PHKA1: variants seen among roughly 807,000 people sequenced by gnomAD.
PHKA1 encodes phosphorylase b kinase regulatory subunit alpha, skeletal muscle isoform.
PHKA1 carries 60 observed loss-of-function variants against 110.2 expected under a neutral mutation model. The observed-to-expected ratio is 0.54, with a 90% confidence interval of 0.44 to 0.68. The LOEUF (loss-of-function observed/expected upper bound fraction) is 0.68, where lower values mean the gene tolerates loss of function less well. Ranked by LOEUF, PHKA1 falls within the 30% of genes least tolerant of loss-of-function variation. The pLI is 0.00. For missense variants in PHKA1, 801 were observed against 942.5 expected (o/e 0.85, Z 1.97); for synonymous variants, 316 against 333.6 (o/e 0.95, Z 0.58).
intron 17 of PHKA1, among the ~76,000 whole-genome samples, chrX:72,625,933 G>A (rs969336870): frequency 3.2e-4 from 36 of 111,391 alleles, no homozygotes; most frequent in African/African-American, 1.1e-3. Context: ...CCCAAACTAA[G>A]TGTGATGATT....
chrX:72,675,059 A>T (rs900035927), intron 6 of PHKA1, among the ~76,000 whole-genome samples: 24 of 108,519 alleles, frequency 2.2e-4, no homozygotes, highest in Middle Eastern at 9.4e-3. Context: ...ATGGTGGCAG[A>T]TGCCTGTAGT....
intron 13 of PHKA1, among the ~76,000 whole-genome samples, chrX:72,645,197 T>C (rs1331984179): frequency 2.7e-5 from 3 of 111,790 alleles, no homozygotes; most frequent in Admixed American, 9.5e-5. Context: ...ACTTTCGCTA[T>C]ATGGAACAGA....
rs140840841 is a variant in PHKA1, at chrX:72,680,162, A to G, written c.538-4012T>C. ...CCCAAGTACCTGGGATTACAGGCAC[A>G]CGCCACCACGCCCAGCTAATTTTGT... On this transcript the variant is annotated intron_variant, in intron 5 of 31. Transcript: ENST00000373542. 3.7e-3 allele frequency among the ~76,000 whole-genome samples: 408 copies of G among 110,878 alleles called. 1 individual carries two copies. Among genetic ancestry groups the G allele is most frequent in the African/African-American group, 0.013 (396 of 30,413 alleles).
chrX:72,631,921 T>C (rs1166038369), intron 16 of PHKA1, among the ~76,000 whole-genome samples: 1 of 112,227 alleles, frequency 8.9e-6, no homozygotes, highest in Non-Finnish European at 1.9e-5. Context: ...CCAAATCTCA[T>C]AAATTATAAG....
intron 16 of PHKA1, among the ~76,000 whole-genome samples, chrX:72,631,335 G>A (rs782730619): frequency 2.7e-5 from 3 of 111,310 alleles, no homozygotes; most frequent in African/African-American, 9.8e-5. Flanking sequence ...GGCTGAAGGG[G>A]GAGGAGCTCC....
intron 3 of PHKA1, among the ~76,000 whole-genome samples, chrX:72,696,921 T>C (rs1329395735): frequency 9.0e-6 from 1 of 111,369 alleles, no homozygotes; most frequent in East Asian, 2.8e-4. Flanking sequence ...ACAGGACAAT[T>C]TGCTGAGGCC....
chrX:72,711,493 C>G (rs1556334721), intron 2 of PHKA1, among the ~76,000 whole-genome samples: 1 of 111,081 alleles, frequency 9.0e-6, no homozygotes, highest in Non-Finnish European at 1.9e-5. Context: ...GCCTGTAATC[C>G]TAGCGCTTTG....
chrX:72,679,710 C>A (rs1473772377), intron 5 of PHKA1, among the ~76,000 whole-genome samples: 1 of 110,150 alleles, frequency 9.1e-6, no homozygotes, highest in East Asian at 2.8e-4. Context: ...TTAGTGAAGT[C>A]GAAGGCATAG....
At chrX:72,599,032 A>G (rs1303883060) in intron 28 of PHKA1, among the ~76,000 whole-genome samples, 1 of 111,000 alleles carries the variant, frequency 9.0e-6, no homozygotes, top group Non-Finnish European at 1.9e-5. Flanking sequence ...CAGAAAGGGT[A>G]TAGATCTGAT....
chrX:72,675,465 TA>T (rs1365484276), intron 6 of PHKA1, among the ~76,000 whole-genome samples: 4 of 111,443 alleles, frequency 3.6e-5, no homozygotes, highest in Admixed American at 1.9e-4. Flanking sequence ...GATTTCCTTT[TA>T]TTTTTTAAAA....
At chrX:72,704,482 G>A (rs1468657737) in intron 3 of PHKA1, among the ~76,000 whole-genome samples, 1 of 111,602 alleles carries the variant, frequency 9.0e-6, no homozygotes, top group Non-Finnish European at 1.9e-5. Context: ...GTTGGCAGGA[G>A]TATGCACTGT....
rs1556200890 is a variant in PHKA1 at position 72,581,113 on chromosome X, A to T, written c.3561T>A (p.Leu1187=). ...AKDPASGICT[L]LYDSAPSGRF... Reference sequence around the variant, plus strand: ...TGCCACTGGGTGCACTGTCATACAGAAGAGTACAGATGCCAGATGCGGGAT... The same window carrying T: ...TGCCACTGGGTGCACTGTCATACAGTAGAGTACAGATGCCAGATGCGGGAT... The change falls in exon 32 of 32, where the codon CTT becomes CTA. Residue 1187 remains leucine (L), a synonymous_variant. Transcript: ENST00000373542. The T allele has an allele frequency of 8.4e-7, 1 of 1,193,873 alleles. No homozygotes were observed. Among genetic ancestry groups the T allele is most frequent in the Non-Finnish European group, 1.1e-6 (1 of 879,141 alleles).
chrX:72,636,791 C>T (rs782490314), intron 14 of PHKA1, among the ~76,000 whole-genome samples: 2 of 112,331 alleles, frequency 1.8e-5, no homozygotes, highest in African/African-American at 3.2e-5. Context: ...ACTGACAGGA[C>T]TACTACTTTT....
chrX:72,694,600 T>C (rs1002124784), intron 4 of PHKA1, among the ~76,000 whole-genome samples: 4 of 112,315 alleles, frequency 3.6e-5, no homozygotes, highest in Admixed American at 2.8e-4. Flanking sequence ...TTTCTACTTA[T>C]TCCTCAAAGG....
At chrX:72,702,861 A>C (rs1430191687) in intron 3 of PHKA1, among the ~76,000 whole-genome samples, 1 of 111,817 alleles carries the variant, frequency 8.9e-6, no homozygotes, top group Non-Finnish European at 1.9e-5. Flanking sequence ...CCCTCTGATC[A>C]CAGAGATAGA....
chrX:72,627,149 T>C (rs1725910403), intron 16 of PHKA1, 100 bp from the exon 17 acceptor site: 1 of 646,662 alleles, frequency 1.5e-6, no homozygotes, highest in Non-Finnish European at 2.5e-6. Flanking sequence ...GTGGTTACAA[T>C]ACAAATGAGA....
intron 3 of PHKA1, among the ~76,000 whole-genome samples, chrX:72,698,375 T>C: frequency 8.9e-6 from 1 of 112,616 alleles, no homozygotes; most frequent in Middle Eastern, 4.7e-3. Context: ...CTTTTTGAAG[T>C]TTATGTAACT....
Position 72,602,259 on chromosome X carries a change from A to G in PHKA1, c.2932T>C (p.Ser978Pro). ...ATAGAAATAGCAGGACTGACATTTG[A>G]ATCAGTGGGACGAACTATGTAGTAT... is the stretch of plus-strand genomic sequence containing the variant. ...GVERSVRPTDSNVSPAISIHE... is the reference protein window; with the variant it reads ...GVERSVRPTDPNVSPAISIHE... The change falls in exon 27 of 32, where the codon TCA (serine) becomes CCA (proline). Residue 978 changes from serine (S) to proline (P), a missense_variant. Physicochemically the swap from Ser to Pro is moderately conservative, Grantham distance 74. Transcript: ENST00000373542. The G allele has an allele frequency of 5.2e-6, 6 of 1,164,134 alleles. No homozygotes were observed. Among genetic ancestry groups the G allele is most frequent in the Non-Finnish European group, 7.0e-6 (6 of 852,416 alleles).
chrX:72,680,743 C>G (rs1399082788), intron 5 of PHKA1, among the ~76,000 whole-genome samples: 3 of 95,672 alleles, frequency 3.1e-5, no homozygotes, highest in African/African-American at 1.2e-4. Flanking sequence ...CGCGACCGAC[C>G]GCAGCCGCCG....
Sources: allele counts gnomAD v4.1 joint callset (sites outside exome capture counted in the v4.1 genomes callset), GRCh38; gene constraint gnomAD v4.1.1; transcripts MANE v1.5; gene names NCBI Gene and HGNC (gene_info 2026-07-23, HGNC 2026-07-21).